PLEKHG3: variants seen among roughly 807,000 people sequenced by gnomAD.
The protein encoded by PLEKHG3 is pleckstrin homology domain-containing family G member 3.
A neutral mutation model predicts 94.9 loss-of-function variants in PLEKHG3; 62 were observed. The observed-to-expected ratio is 0.65, with a 90% CI of 0.53 to 0.81. PLEKHG3 has a LOEUF of 0.81. Among genes scored for constraint, PLEKHG3 ranks in the 30% least tolerant of loss-of-function variants. The probability of loss-of-function intolerance (pLI) is 0.00; values close to 1 mark genes in which losing one functional copy is unlikely to be tolerated. For synonymous variants in PLEKHG3, 614 were observed against 654.0 expected (o/e 0.94, Z 0.93); for missense variants, 1,461 against 1,619.3 (o/e 0.90, Z 1.68).
rs560083073 is a variant in PLEKHG3 at position 64,727,709 on chromosome 14, G to T, written c.78G>T (p.Ser26=). The change falls in exon 2 of 17, where the codon TCG becomes TCT. Residue 26 remains serine, a synonymous_variant. Transcript: ENST00000247226. The surrounding 1 kb of genome is among the most constrained non-coding windows in gnomAD (Gnocchi z 6.0). ...GCCTGACCTCTACCACCTCCTCGTC[G>T]GGCTCCTCCTGTGACAGTCGCAGTG... is the stretch of plus-strand genomic sequence containing the variant. ...PVSLTSTTSS[S]GSSCDSRSAM... 6 of 1,612,074 alleles carry T rather than the reference G, an allele frequency of 3.7e-6. No individual in the cohort carries two copies. The highest frequency in any genetic ancestry group is 5.1e-6 in the Non-Finnish European group (6 of 1,179,620).
Position 64,741,534 on chromosome 14 carries a change from G to T in PLEKHG3, c.2017G>T (p.Val673Leu). ...CQLSPEVDISVGVATEDSPSV... is the reference protein window; with the variant it reads ...CQLSPEVDISLGVATEDSPSV... Reference sequence around the variant, plus strand: ...GCTCTCCCCAGAAGTGGACATCAGTGTGGGGGTGGCCACAGAGGACAGCCC... The same window carrying T: ...GCTCTCCCCAGAAGTGGACATCAGTTTGGGGGTGGCCACAGAGGACAGCCC... Residue 673 changes from valine (V) to leucine (L), a missense_variant, in exon 16 of 17, where the codon GTG becomes TTG. This residue lies in a region of PLEKHG3 where 1,201 missense variants were observed against 1,295.5 expected (regional missense o/e 0.93). Transcript: ENST00000247226. The T allele has an allele frequency of 6.2e-7, 1 of 1,612,972 alleles. No homozygotes were observed. The highest frequency in any genetic ancestry group is 1.3e-5 in the African/African-American group (1 of 75,064).
At chr14:64,705,693 A>C (rs2080960562) in intron 1 of PLEKHG3, among the ~76,000 whole-genome samples, 1 of 152,204 alleles carries the variant, frequency 6.6e-6, no homozygotes, top group South Asian at 2.1e-4. Flanking sequence ...GGGCAATGAC[A>C]GTCCGGAGCG....
chr14:64,737,748 G>A (rs2081599672), intron 14 of PLEKHG3: 1 of 442,210 alleles, frequency 2.3e-6, no homozygotes, highest in African/African-American at 2.1e-5. Context: ...GGCAACCTGA[G>A]TTGGGCATCT....
chr14:64,731,168 A>G lies in PLEKHG3; in HGVS notation c.848A>G (p.Gln283Arg). The stretch of plus-strand genomic sequence containing the variant: ...AGGCATGAGCACGCGGTCCGGCTCC[A>G]GGTGCTCTGGGGCTGGGACGCTGGG... ...KRRHEHAVRL[Q>R]EIQSLLINWK... The change falls in exon 7 of 17, where the codon CAG becomes CGG. Residue 283 changes from glutamine to arginine, a missense_variant and splice_region_variant. Coordinates refer to ENST00000247226, the MANE Select transcript of PLEKHG3 (RefSeq NM_001308147.2). The surrounding 1 kb of genome is among the most constrained non-coding windows in gnomAD (Gnocchi z 6.1). 7.6e-7 allele frequency: 1 copy of G among 1,323,840 alleles called. No homozygotes were observed. The highest frequency in any genetic ancestry group is 1.5e-5 in the African/African-American group (1 of 66,430). The allele number at this position is 1,323,840 out of a possible 1,614,324, so 82.0% of individuals were successfully genotyped here.
Position 64,749,186 on chromosome 14 carries a change from G to A in PLEKHG3, c.*5483G>A, listed in dbSNP as rs962678299. On this transcript the variant is annotated 3_prime_UTR_variant, in exon 17 of 17. Transcript: ENST00000247226. The surrounding 1 kb of genome is among the most constrained non-coding windows in gnomAD (Gnocchi z 4.7). Reference sequence around the variant, plus strand: ...TTGCAGTGCAGCGTGGGGCCCGGGGGCCCGGCCCGCGACTCGACTCATCTC... The same window carrying A: ...TTGCAGTGCAGCGTGGGGCCCGGGGACCCGGCCCGCGACTCGACTCATCTC... The A allele has an allele frequency of 8.7e-6, 11 of 1,258,830 alleles. No homozygotes were observed. The highest frequency in any genetic ancestry group is 2.5e-4 in the Middle Eastern group (1 of 3,994). 78.0% of individuals were successfully genotyped at this position (1,258,830 alleles called of 1,614,324 possible).
intron 12 of PLEKHG3, among the ~76,000 whole-genome samples, chr14:64,735,846 A>G (rs942749488): frequency 2.0e-5 from 3 of 152,236 alleles, no homozygotes; most frequent in African/African-American, 4.8e-5. Flanking sequence ...ATTAAGTTCT[A>G]TTGTTTAATT....
chr14:64,727,929 G>A lies in PLEKHG3; in HGVS notation c.298G>A (p.Glu100Lys). ...CAGCTACCTGGGCCGAGTGGTGCGG[G>A]AGATCGTGGAGACAGAGCGCATGTA... ...KLSYLGRVVR[E>K]IVETERMYVQ... Residue 100 changes from glutamate to lysine, a missense_variant, in exon 2 of 17, where the codon GAG (glutamate) becomes AAG (lysine). Physicochemically the swap from Glu to Lys is moderately conservative, Grantham distance 56 (BLOSUM62 1). This residue lies in a region of PLEKHG3 where 253 missense variants were observed against 297.8 expected (regional missense o/e 0.85). Coordinates refer to ENST00000247226, the MANE Select transcript of PLEKHG3 (RefSeq NM_001308147.2). The surrounding 1 kb of genome is among the most constrained non-coding windows in gnomAD (Gnocchi z 6.0). 1.2e-6 allele frequency: 2 copies of A among 1,608,344 alleles called. No individual in the cohort carries two copies. The highest frequency in any genetic ancestry group is 1.7e-6 in the Non-Finnish European group (2 of 1,175,886).
Position 64,727,393 on chromosome 14 carries a change from A to G in PLEKHG3, c.-39-200A>G, listed in dbSNP as rs987239306. Reference sequence around the variant, plus strand: ...CTTCACCATTTTAAGTGTACAGTTCAGTGACAGTAGGTACATTCATATCAT... The same window carrying G: ...CTTCACCATTTTAAGTGTACAGTTCGGTGACAGTAGGTACATTCATATCAT... On this transcript the variant is annotated intron_variant, in intron 1 of 16. Transcript: ENST00000247226. This position sits in a 1 kb window ranked among gnomAD's most constrained non-coding sequence, Gnocchi z 6.0. 2.6e-5 allele frequency among the ~76,000 whole-genome samples: 4 copies of G among 152,250 alleles called. No individual in the cohort carries two copies. Among genetic ancestry groups the G allele is most frequent in the African/African-American group, 9.6e-5 (4 of 41,460 alleles).
rs1413715719 is a variant in PLEKHG3 at position 64,727,956 on chromosome 14, G to C, written c.325G>C (p.Val109Leu). 6.3e-7 allele frequency: 1 copy of C among 1,591,510 alleles called. No homozygotes were observed. Among genetic ancestry groups the C allele is most frequent in the Non-Finnish European group, 8.6e-7 (1 of 1,163,090 alleles). The change falls in exon 2 of 17, where the codon GTA becomes CTA. Residue 109 changes from valine to leucine, a missense_variant. This residue lies in a region of PLEKHG3 where 253 missense variants were observed against 297.8 expected (regional missense o/e 0.85). Coordinates refer to ENST00000247226, the MANE Select transcript of PLEKHG3 (RefSeq NM_001308147.2). This position sits in a 1 kb window ranked among gnomAD's most constrained non-coding sequence, Gnocchi z 6.0. The part of the protein sequence containing the change: ...REIVETERMY[V>L]QDLRSIVEDY... ...GATCGTGGAGACAGAGCGCATGTAC[G>C]TACAGGACCTGCGCAGCATCGTGGA...
rs1028770058 is a variant in PLEKHG3, at chr14:64,721,664, C to G, written c.-39-5929C>G. Among the ~76,000 whole-genome samples, 1 of 152,146 alleles carries G rather than the reference C, an allele frequency of 6.6e-6. No homozygotes were observed. Among genetic ancestry groups the G allele is most frequent in the African/African-American group, 2.4e-5 (1 of 41,428 alleles). On this transcript the variant is annotated intron_variant, in intron 1 of 16. Coordinates refer to ENST00000247226, the MANE Select transcript of PLEKHG3 (RefSeq NM_001308147.2). This position sits in a 1 kb window ranked among gnomAD's most constrained non-coding sequence, Gnocchi z 4.3. Reference sequence around the variant, plus strand: ...GCACACAAAGTCACTCCCCGGGGAGCCTTCTCTCGCGCTTTATTACGGTGC... The same window carrying G: ...GCACACAAAGTCACTCCCCGGGGAGGCTTCTCTCGCGCTTTATTACGGTGC...
At chr14:64,740,133 C>T (rs1372269243) in intron 15 of PLEKHG3, among the ~76,000 whole-genome samples, 2 of 152,122 alleles carry the variant, frequency 1.3e-5, no homozygotes, top group African/African-American at 4.8e-5. Context: ...ATCCCAAGAG[C>T]AGGTTTCCAT....
In PLEKHG3 at chr14:64,739,896, A is replaced by G. The variant is rs747679390; in HGVS notation, c.1518+1041A>G. Among the ~76,000 whole-genome samples, 1 of 152,216 alleles carries G rather than the reference A, an allele frequency of 6.6e-6. No homozygotes were observed. The highest frequency in any genetic ancestry group is 1.5e-5 in the Non-Finnish European group (1 of 68,038). ...GTTAGCCTCCACATGGCAATTTTAG[A>G]GATACACAGACATTCAGAGCAGAGC... On this transcript the variant is annotated intron_variant, in intron 15 of 16. Transcript: ENST00000247226. This position sits in a 1 kb window ranked among gnomAD's most constrained non-coding sequence, Gnocchi z 4.1.
chr14:64,732,575 G>T lies in PLEKHG3; in HGVS notation c.1246+115G>T. On this transcript the variant is annotated intron_variant, in intron 11 of 16. Transcript: ENST00000247226. This position sits in a 1 kb window ranked among gnomAD's most constrained non-coding sequence, Gnocchi z 4.9. ...TATTCCAGGAGCAGGGAGGGCGGGG[G>T]TCTCCTGTTAAGGGCTGGGGGGTGA... 5 of 956,192 alleles carry T rather than the reference G, an allele frequency of 5.2e-6. No individual in the cohort carries two copies. The highest frequency in any genetic ancestry group is 6.8e-6 in the Non-Finnish European group (4 of 587,424). 59.2% of individuals were successfully genotyped at this position (956,192 alleles called of 1,614,324 possible). A position where few individuals can be genotyped will look rare whatever the true frequency, so the allele number is the denominator to read the frequency against.
intron 15 of PLEKHG3, among the ~76,000 whole-genome samples, chr14:64,740,156 C>T (rs1193467043): frequency 6.6e-6 from 1 of 152,164 alleles, no homozygotes; most frequent in Non-Finnish European, 1.5e-5. Flanking sequence ...GGCCTAACCC[C>T]ATTTCGGGTG....
intron 15 of PLEKHG3, 114 bp from the exon 16 acceptor site, chr14:64,740,922 C>T: frequency 1.2e-6 from 1 of 819,586 alleles, no homozygotes. Flanking sequence ...TGCCTTGAGT[C>T]CTAAACTACA....
Position 64,726,923 on chromosome 14 carries a change from T to C in PLEKHG3, c.-39-670T>C, listed in dbSNP as rs1428088993. 2.6e-5 allele frequency among the ~76,000 whole-genome samples: 4 copies of C among 152,182 alleles called. No homozygotes were observed. Among genetic ancestry groups the C allele is most frequent in the Non-Finnish European group, 4.4e-5 (3 of 68,018 alleles). On this transcript the variant is annotated intron_variant, in intron 1 of 16. Coordinates refer to ENST00000247226, the MANE Select transcript of PLEKHG3 (RefSeq NM_001308147.2). This position sits in a 1 kb window ranked among gnomAD's most constrained non-coding sequence, Gnocchi z 5.1. ...CCTGTTATGTGTCTTGTCTTAACAT[T>C]GTAAGAACCAGATCTTTGCCCATCC...
chr14:64,705,881 C>G (rs2080963827), intron 1 of PLEKHG3, among the ~76,000 whole-genome samples: 2 of 152,208 alleles, frequency 1.3e-5, no homozygotes, highest in African/African-American at 4.8e-5. Context: ...ATACATCTCT[C>G]CCCTGTGGTT....
At chr14:64,713,132 C>G (rs115525838) in intron 1 of PLEKHG3, among the ~76,000 whole-genome samples, 2,185 of 152,280 alleles carry the variant, frequency 0.014, 59 homozygotes, top group African/African-American at 0.05. Context: ...TTAACCTAAT[C>G]TTGCATCTCT....
chr14:64,743,191 G>T lies in PLEKHG3; in HGVS notation c.3148G>T (p.Val1050Phe), dbSNP rs17180132. The T allele has an allele frequency of 6.2e-7, 1 of 1,610,360 alleles. No homozygotes were observed. The highest frequency in any genetic ancestry group is 8.5e-7 in the Non-Finnish European group (1 of 1,179,902). Residue 1050 changes from valine (V) to phenylalanine (F), a missense_variant, in exon 17 of 17, where the codon GTC becomes TTC. This residue lies in a region of PLEKHG3 where 1,201 missense variants were observed against 1,295.5 expected (regional missense o/e 0.93). Coordinates refer to ENST00000247226, the MANE Select transcript of PLEKHG3 (RefSeq NM_001308147.2). This position sits in a 1 kb window ranked among gnomAD's most constrained non-coding sequence, Gnocchi z 7.2. The part of the protein sequence containing the change: ...SPTETFSWPD[V>F]RELCSKYASR... Reference sequence around the variant, plus strand: ...CACAGAGACCTTCAGCTGGCCCGACGTCCGTGAGCTCTGCTCCAAGTATGC... The same window carrying T: ...CACAGAGACCTTCAGCTGGCCCGACTTCCGTGAGCTCTGCTCCAAGTATGC...
Sources: allele counts gnomAD v4.1 joint callset (sites outside exome capture counted in the v4.1 genomes callset), GRCh38; gene constraint gnomAD v4.1.1; regional missense constraint gnomAD v4.1.1; non-coding constraint Gnocchi (gnomAD v3.1); transcripts MANE v1.5; gene names NCBI Gene and HGNC (gene_info 2026-07-23, HGNC 2026-07-21).